Variants in PPP2R3A observed in about 807,000 individuals in gnomAD.
PPP2R3A encodes the protein protein phosphatase 2 regulatory subunit B''alpha, also known as serine/threonine-protein phosphatase 2A regulatory subunit B'' subunit alpha.
PPP2R3A carries 80 observed loss-of-function variants against 106.9 expected under a neutral mutation model. The ratio of observed to expected loss-of-function variants is 0.75; its 90% CI spans 0.62 to 0.90. The LOEUF is 0.90. Ranked by LOEUF, PPP2R3A falls within the 40% of genes least tolerant of loss-of-function variation. The pLI, the probability that PPP2R3A is intolerant of heterozygous loss-of-function variation, is 0.00. For synonymous variants in PPP2R3A, 483 were observed against 468.3 expected, an observed-to-expected ratio of 1.03 and a Z score of -0.41; for missense variants, 1,386 against 1,350.4, an observed-to-expected ratio of 1.03 and a Z score of -0.41.
chr3:136,011,980 CACACACACACACAT>C (rs562512555), intron 2 of PPP2R3A, among the ~76,000 whole-genome samples: 1 of 135,552 alleles, frequency 7.4e-6, no homozygotes, highest in Admixed American at 7.0e-5. Flanking sequence ...ATCATACACA[CACACACACACACAT>C]ACACACACAC....
intron 1 of PPP2R3A, among the ~76,000 whole-genome samples, chr3:135,974,571 G>A (rs1339274837): frequency 2.6e-5 from 4 of 152,174 alleles, no homozygotes; most frequent in East Asian, 1.9e-4. Context: ...TCAAAAAGGG[G>A]ACTTTTTTCT....
intron 5 of PPP2R3A, among the ~76,000 whole-genome samples, chr3:136,050,447 T>G (rs1935645833): frequency 6.6e-6 from 1 of 152,156 alleles, no homozygotes; most frequent in African/African-American, 2.4e-5. Context: ...AGTTCTGAGG[T>G]CTTACACGGT....
At chr3:136,117,926 AAG>A (rs1490712299) in intron 13 of PPP2R3A, among the ~76,000 whole-genome samples, 1 of 152,222 alleles carries the variant, frequency 6.6e-6, no homozygotes, top group African/African-American at 2.4e-5. Context: ...ACAACAAAAA[AAG>A]AGAATCTCAG....
intron 12 of PPP2R3A, among the ~76,000 whole-genome samples, chr3:136,104,696 A>G (rs1417708035): frequency 1.3e-5 from 2 of 152,220 alleles, no homozygotes; most frequent in African/African-American, 4.8e-5. Context: ...TGTTAGAAGG[A>G]TAGAGATGGG....
At chr3:136,115,812 A>G (rs1937728192) in intron 13 of PPP2R3A, among the ~76,000 whole-genome samples, 1 of 152,142 alleles carries the variant, frequency 6.6e-6, no homozygotes, top group Non-Finnish European at 1.5e-5. Context: ...ACCAAGTTGG[A>G]AAACACTCTT....
intron 13 of PPP2R3A, among the ~76,000 whole-genome samples, chr3:136,135,144 G>A (rs1251173507): frequency 6.6e-6 from 1 of 152,086 alleles, no homozygotes; most frequent in Non-Finnish European, 1.5e-5. Flanking sequence ...GCACAGGTGA[G>A]GAGGGGTCAC....
At chr3:135,985,412 CTCTCTCTG>C (rs1937599624) in intron 1 of PPP2R3A, among the ~76,000 whole-genome samples, 1 of 150,432 alleles carries the variant, frequency 6.6e-6, no homozygotes, top group Non-Finnish European at 1.5e-5. Context: ...CTCTCTCTCG[CTCTCTCTG>C]TCTCTCTCTC....
intron 13 of PPP2R3A, among the ~76,000 whole-genome samples, chr3:136,110,706 CT>C (rs1937580048): frequency 6.6e-6 from 1 of 152,148 alleles, no homozygotes; most frequent in Non-Finnish European, 1.5e-5. Flanking sequence ...AGACACTGAG[CT>C]ATTCATTTCA....
At chr3:136,050,136 A>G (rs1034350382) in intron 5 of PPP2R3A, among the ~76,000 whole-genome samples, 4 of 152,198 alleles carry the variant, frequency 2.6e-5, no homozygotes, top group African/African-American at 9.7e-5. Flanking sequence ...TAGACTCTAT[A>G]TGTACTTATC....
At chr3:136,027,968 A>G (rs1166344906) in intron 3 of PPP2R3A, among the ~76,000 whole-genome samples, 1 of 152,202 alleles carries the variant, frequency 6.6e-6, no homozygotes, top group Non-Finnish European at 1.5e-5. Context: ...AAAAAGTTGG[A>G]AAACTACCAT....
intron 5 of PPP2R3A, among the ~76,000 whole-genome samples, chr3:136,061,660 C>T (rs1019468975): frequency 2.0e-5 from 3 of 151,786 alleles, no homozygotes; most frequent in African/African-American, 7.3e-5. Flanking sequence ...GTGGCTCACG[C>T]CTGTAATCCC....
At chr3:136,088,065 C>A in intron 9 of PPP2R3A, 134 bp downstream of exon 9, 1 of 667,126 alleles carries the variant, frequency 1.5e-6, no homozygotes, top group Non-Finnish European at 2.5e-6. Context: ...ATAGTTATGG[C>A]TTAATACAAG....
chr3:135,968,213 C>T (rs1362567538), intron 1 of PPP2R3A, among the ~76,000 whole-genome samples: 4 of 152,198 alleles, frequency 2.6e-5, no homozygotes, highest in African/African-American at 9.6e-5. Context: ...AACAACTTTG[C>T]ATGCCTGGAC....
chr3:135,966,306 C>T (rs1298062154), intron 1 of PPP2R3A, among the ~76,000 whole-genome samples: 1 of 152,212 alleles, frequency 6.6e-6, no homozygotes, highest in African/African-American at 2.4e-5. Context: ...GCTTTCTTTT[C>T]CTTCCCCGCC....
chr3:136,123,456 A>G (rs942407069), intron 13 of PPP2R3A, among the ~76,000 whole-genome samples: 2 of 152,222 alleles, frequency 1.3e-5, no homozygotes, highest in Non-Finnish European at 2.9e-5. Flanking sequence ...GAAGAAATGT[A>G]TAAGGAAATT....
chr3:136,124,486 AAAAG>A (rs1938111079), intron 13 of PPP2R3A, among the ~76,000 whole-genome samples: 1 of 152,194 alleles, frequency 6.6e-6, no homozygotes, highest in African/African-American at 2.4e-5. Context: ...CTTGTCTCAA[AAAAG>A]AAAGAAAACA....
chr3:136,113,409 A>T (rs1043407149), intron 13 of PPP2R3A, among the ~76,000 whole-genome samples: 1 of 152,152 alleles, frequency 6.6e-6, no homozygotes, highest in Non-Finnish European at 1.5e-5. Context: ...TATTCAATAA[A>T]TGGTGCTGGC....
intron 1 of PPP2R3A, among the ~76,000 whole-genome samples, chr3:135,994,462 T>C (rs1461471418): frequency 6.6e-6 from 1 of 152,180 alleles, no homozygotes; most frequent in Non-Finnish European, 1.5e-5. Flanking sequence ...TCTTACAGAC[T>C]TTCAAACAGT....
At chr3:136,137,666 C>T (rs1187734147) in intron 13 of PPP2R3A, among the ~76,000 whole-genome samples, 4 of 151,094 alleles carry the variant, frequency 2.6e-5, no homozygotes, top group African/African-American at 9.7e-5. Context: ...CTCAGCCTAC[C>T]GAGTAGCTGG....
Sources: allele counts gnomAD v4.1 joint callset (sites outside exome capture counted in the v4.1 genomes callset), GRCh38; gene constraint gnomAD v4.1.1; transcripts MANE v1.5; gene names NCBI Gene and HGNC (gene_info 2026-07-23, HGNC 2026-07-21).